NUP153: variants seen among roughly 807,000 people sequenced by gnomAD.
NUP153 encodes the protein nucleoporin 153.
In NUP153, 27 loss-of-function variants were observed where a neutral mutation model predicts 134.6. The ratio of observed to expected loss-of-function variants is 0.20; its 90% CI spans 0.15 to 0.28. The LOEUF (loss-of-function observed/expected upper bound fraction) is 0.28, where lower values mean the gene tolerates loss of function less well. Ranked by LOEUF, NUP153 falls within the 10% of genes least tolerant of loss-of-function variation. The pLI, the probability that NUP153 is intolerant of heterozygous loss-of-function variation, is 1.00. For missense variants in NUP153, 1,821 were observed against 1,731.3 expected, an observed-to-expected ratio of 1.05 and a Z score of -0.92; for synonymous variants, 640 against 623.5, an observed-to-expected ratio of 1.03 and a Z score of -0.40.
At chr6:17,627,520 G>C (rs998509615) in intron 18 of NUP153, among the ~76,000 whole-genome samples, 3 of 152,104 alleles carry the variant, frequency 2.0e-5, no homozygotes, top group Non-Finnish European at 2.9e-5. Context: ...TCTTGAGACA[G>C]AGCCTTGTTC....
At chr6:17,699,699 G>T (rs1769924352) in intron 1 of NUP153, among the ~76,000 whole-genome samples, 1 of 151,900 alleles carries the variant, frequency 6.6e-6, no homozygotes, top group Admixed American at 6.6e-5. Flanking sequence ...GCCAGGCGTG[G>T]TGGCACACAC....
intron 14 of NUP153, among the ~76,000 whole-genome samples, chr6:17,642,378 G>C (rs376800994): frequency 1.1e-5 from 1 of 94,814 alleles, no homozygotes; most frequent in African/African-American, 3.1e-5. Flanking sequence ...GTAACAAAAA[G>C]ACAAACTGTT....
intron 1 of NUP153, among the ~76,000 whole-genome samples, chr6:17,692,295 C>T (rs748428746): frequency 6.6e-6 from 1 of 152,170 alleles, no homozygotes; most frequent in African/African-American, 2.4e-5. Context: ...AATAGAGGAA[C>T]AGTGAGACAG....
At chr6:17,700,033 C>T (rs1333971391) in intron 1 of NUP153, among the ~76,000 whole-genome samples, 1 of 152,100 alleles carries the variant, frequency 6.6e-6, no homozygotes, top group Non-Finnish European at 1.5e-5. Flanking sequence ...AAAACACCTA[C>T]TTTGCATTAA....
chr6:17,637,853 C>T (rs1399021998), intron 15 of NUP153, 83 bp from the exon 16 acceptor site: 23 of 1,416,818 alleles, frequency 1.6e-5, no homozygotes, highest in South Asian at 2.8e-5. Context: ...ACTGAGAAGA[C>T]GTTTACCTCA....
chr6:17,644,329 CCA>C (rs1297497747), intron 14 of NUP153, among the ~76,000 whole-genome samples: 7 of 152,176 alleles, frequency 4.6e-5, no homozygotes, highest in Non-Finnish European at 8.8e-5. Flanking sequence ...CTAGCACTCA[CCA>C]CACTGCTATC....
At chr6:17,640,584 T>A (rs1183031865) in intron 14 of NUP153, among the ~76,000 whole-genome samples, 1 of 152,128 alleles carries the variant, frequency 6.6e-6, no homozygotes, top group African/African-American at 2.4e-5. Context: ...TACATAACAG[T>A]GACATGATGA....
chr6:17,698,701 A>G lies in NUP153; in HGVS notation c.111+7576T>C, dbSNP rs1315181601. 7.4e-5 allele frequency among the ~76,000 whole-genome samples: 11 copies of G among 148,604 alleles called. No individual in the cohort carries two copies. The South Asian group carries it at 1.8e-3, about 24-fold the overall frequency. On this transcript the variant is annotated intron_variant, in intron 1 of 21. Transcript: ENST00000262077. ...TGCAGTGAGCCGAGATCGCGCCACTACACTCCAGCTTGGGCGACAGAGCAA... is the reference window on the plus strand; with the variant it reads ...TGCAGTGAGCCGAGATCGCGCCACTGCACTCCAGCTTGGGCGACAGAGCAA...
At chr6:17,629,578 T>C in intron 17 of NUP153, 39 bp from the exon 18 acceptor site, 4 of 1,520,172 alleles carry the variant, frequency 2.6e-6, no homozygotes, top group Non-Finnish European at 2.6e-6. Flanking sequence ...ACACTCAATG[T>C]ACTGATCCTC....
chr6:17,705,034 G>C (rs1037392975), intron 1 of NUP153, among the ~76,000 whole-genome samples: 1 of 152,216 alleles, frequency 6.6e-6, no homozygotes, highest in Admixed American at 6.5e-5. Context: ...TGGGATTACA[G>C]GCGTGAGCCA....
intron 8 of NUP153, among the ~76,000 whole-genome samples, chr6:17,668,213 T>C (rs539765181): frequency 2.4e-4 from 37 of 151,698 alleles, no homozygotes; most frequent in African/African-American, 8.5e-4. Flanking sequence ...GTAGCTGAGA[T>C]TACAGGTGCG....
At chr6:17,618,706 C>CT (rs1561848170) in intron 20 of NUP153, among the ~76,000 whole-genome samples, 1 of 152,036 alleles carries the variant, frequency 6.6e-6, no homozygotes, top group Non-Finnish European at 1.5e-5. Context: ...GCTGGGACTA[C>CT]AGGCGCCCGC....
intron 11 of NUP153, among the ~76,000 whole-genome samples, chr6:17,649,570 A>AGTT (rs4052817): frequency 0.97 from 147,656 of 152,154 alleles, 71,807 homozygotes; most frequent in East Asian, 1. Context: ...GATATACTAC[A>AGTT]GTTGTACTAA....
rs1764785147 is a variant in NUP153 at position 17,624,029 on chromosome 6, T to C, written c.4174+532A>G. 3.3e-5 allele frequency among the ~76,000 whole-genome samples: 5 copies of C among 152,240 alleles called. No homozygotes were observed. The South Asian group carries it at 1.0e-3, about 32-fold the overall frequency. On this transcript the variant is annotated intron_variant, in intron 20 of 21. Coordinates refer to ENST00000262077, the MANE Select transcript of NUP153 (RefSeq NM_005124.4). ...ATTTTACACCCCTTTCTACATAATA[T>C]TATATTTCACAATTAGAAAAAAATC...
chr6:17,626,115 A>G lies in NUP153; in HGVS notation c.3594T>C (p.Ser1198=). The part of the protein sequence containing the change: ...PVFSFLNNSS[S]SSSTPATSAG... ...CAGAAGTGGCTGGTGTACTTGAACT[A>G]GAGGAACTGTTGTTCAAGAAACTAA... The change falls in exon 19 of 22, where the codon TCT becomes TCC. Residue 1198 remains serine (S), a synonymous_variant. Coordinates refer to ENST00000262077, the MANE Select transcript of NUP153 (RefSeq NM_005124.4). 1.9e-6 allele frequency: 3 copies of G among 1,613,562 alleles called. No homozygotes were observed. The highest frequency in any genetic ancestry group is 1.3e-5 in the African/African-American group (1 of 75,044).
intron 20 of NUP153, chr6:17,619,610 A>G (rs926035568): frequency 6.6e-6 from 1 of 152,214 alleles, no homozygotes; most frequent in Non-Finnish European, 1.5e-5. Flanking sequence ...ATGACACCCA[A>G]ATTTGTGAAG....
At position 17,701,836 on chromosome 6, in the gene NUP153, G is replaced by GGC. The variant is rs1554148696; in HGVS notation, c.111+4440_111+4441insGC. On this transcript the variant is annotated intron_variant, in intron 1 of 21. Coordinates refer to ENST00000262077, the MANE Select transcript of NUP153 (RefSeq NM_005124.4). ...CAACAGAGCAAGACTCTGTCTCGGG[G>GGC]GGGGGGGGAAAAAAGCTAAATGCAG... Among the ~76,000 whole-genome samples the GGC allele has an allele frequency of 1.3e-4, 14 of 106,522 alleles. 2 individuals carry two copies. Among genetic ancestry groups the GGC allele is most frequent in the Admixed American group, 4.7e-4 (5 of 10,662 alleles). 69.9% of individuals were successfully genotyped at this position (106,522 alleles called of 152,430 possible). A position where few individuals can be genotyped will look rare whatever the true frequency, so the allele number is the denominator to read the frequency against.
chr6:17,632,938 A>C (rs1475139775), intron 16 of NUP153, 94 bp from the exon 17 acceptor site: 1 of 862,776 alleles, frequency 1.2e-6, no homozygotes, highest in East Asian at 2.7e-5. Flanking sequence ...GCTAAGTTTA[A>C]GTGTTCAGTT....
chr6:17,664,474 G>C (rs1767394561), intron 9 of NUP153, among the ~76,000 whole-genome samples: 1 of 152,076 alleles, frequency 6.6e-6, no homozygotes, highest in Non-Finnish European at 1.5e-5. Flanking sequence ...CCTTGCTCGA[G>C]TCCTGGTTCA....
Sources: gnomAD v4.1 joint callset for allele counts (sites outside exome capture counted in the v4.1 genomes callset) on GRCh38, gnomAD v4.1.1 for gene constraint, MANE v1.5 for transcripts, NCBI Gene and HGNC (gene_info 2026-07-23, HGNC 2026-07-21) for gene names.